The following INPP4B variants were observed in gnomAD, a reference collection of about 807,000 sequenced individuals.
The protein encoded by INPP4B is inositol polyphosphate-4-phosphatase type II B, also known as inositol polyphosphate 4-phosphatase type II.
Under a neutral mutation model 122.5 loss-of-function variants are expected in INPP4B, and 55 were observed. The observed-to-expected ratio is 0.45, with a 90% CI of 0.36 to 0.56. The LOEUF (loss-of-function observed/expected upper bound fraction) is 0.56, where lower values mean the gene tolerates loss of function less well. Among genes scored for constraint, INPP4B ranks in the 20% least tolerant of loss-of-function variants. The pLI, the probability that INPP4B is intolerant of heterozygous loss-of-function variation, is 0.00. For missense variants in INPP4B, 1,000 were observed against 1,097.7 expected, an observed-to-expected ratio of 0.91 and a Z score of 1.26; for synonymous variants, 403 against 388.7, an observed-to-expected ratio of 1.04 and a Z score of -0.43.
At chr4:142,302,425 C>T (rs777570989) in intron 9 of INPP4B, among the ~76,000 whole-genome samples, 2 of 152,104 alleles carry the variant, frequency 1.3e-5, no homozygotes, top group Non-Finnish European at 2.9e-5. Context: ...GACAAAATGT[C>T]GGTCATTAAA....
chr4:142,383,085 T>A (rs1434790173), intron 7 of INPP4B, among the ~76,000 whole-genome samples: 1 of 152,128 alleles, frequency 6.6e-6, no homozygotes, highest in Non-Finnish European at 1.5e-5. Flanking sequence ...CAAAATGGAT[T>A]GTGTTGATAG....
chr4:142,699,536 C>T (rs1195875563), intron 2 of INPP4B, among the ~76,000 whole-genome samples: 1 of 152,168 alleles, frequency 6.6e-6, no homozygotes, highest in Non-Finnish European at 1.5e-5. Flanking sequence ...AATCCCATAA[C>T]CATACTGGCC....
At chr4:142,628,488 A>C (rs551456188) in intron 2 of INPP4B, among the ~76,000 whole-genome samples, 44 of 136,078 alleles carry the variant, frequency 3.2e-4, no homozygotes, top group Non-Finnish European at 6.4e-4. Context: ...GGTGCAGCGC[A>C]CCAGCATGGC....
At chr4:142,800,615 G>A (rs1011294039) in intron 1 of INPP4B, among the ~76,000 whole-genome samples, 1 of 152,116 alleles carries the variant, frequency 6.6e-6, no homozygotes, top group African/African-American at 2.4e-5. Flanking sequence ...GGATCTCTTA[G>A]TATTTTAAGT....
At chr4:142,593,396 T>G (rs28481559) in intron 2 of INPP4B, among the ~76,000 whole-genome samples, 1 of 152,134 alleles carries the variant, frequency 6.6e-6, no homozygotes, top group Admixed American at 6.5e-5. Context: ...TATCACCACT[T>G]GACCTTTTTC....
chr4:142,475,334 AC>A (rs1281737844), intron 2 of INPP4B, among the ~76,000 whole-genome samples: 3 of 152,094 alleles, frequency 2.0e-5, no homozygotes, highest in African/African-American at 4.8e-5. Flanking sequence ...AAACAAAAAA[AC>A]ATCTAAAGGA....
chr4:142,394,384 A>T (rs1798686962), intron 7 of INPP4B, among the ~76,000 whole-genome samples: 2 of 152,140 alleles, frequency 1.3e-5, no homozygotes, highest in East Asian at 3.9e-4. Flanking sequence ...TGACCTCGTG[A>T]TCTGCCCGCC....
intron 2 of INPP4B, among the ~76,000 whole-genome samples, chr4:142,484,213 A>G (rs1820930245): frequency 6.6e-6 from 1 of 152,048 alleles, no homozygotes; most frequent in South Asian, 2.1e-4. Flanking sequence ...AAATTAAGAT[A>G]ACTTACCAAT....
chr4:142,557,873 T>G (rs1729562895), intron 2 of INPP4B, among the ~76,000 whole-genome samples: 1 of 152,180 alleles, frequency 6.6e-6, no homozygotes, highest in African/African-American at 2.4e-5. Flanking sequence ...ATGGGCTCAT[T>G]CACCTATTAC....
At chr4:142,485,000 A>C (rs1289859157) in intron 2 of INPP4B, among the ~76,000 whole-genome samples, 4 of 152,116 alleles carry the variant, frequency 2.6e-5, no homozygotes. Context: ...CCTTGGGTGC[A>C]CAAAAGCAGA....
chr4:142,593,149 G>A (rs1737903538), intron 2 of INPP4B, among the ~76,000 whole-genome samples: 1 of 151,354 alleles, frequency 6.6e-6, no homozygotes, highest in Non-Finnish European at 1.5e-5. Context: ...ATGAAAGGGA[G>A]GATTTTAGGG....
intron 7 of INPP4B, among the ~76,000 whole-genome samples, chr4:142,378,977 G>A (rs552824722): frequency 6.6e-6 from 1 of 152,184 alleles, no homozygotes; most frequent in Non-Finnish European, 1.5e-5. Context: ...AGTGGGGTAG[G>A]GGGTGCGGGT....
At chr4:142,529,231 A>G (rs1049794932) in intron 2 of INPP4B, among the ~76,000 whole-genome samples, 1 of 152,132 alleles carries the variant, frequency 6.6e-6, no homozygotes, top group Non-Finnish European at 1.5e-5. Context: ...ATGGTTTCAG[A>G]TTCTACATTG....
rs759047550 is a variant in INPP4B, at chr4:142,085,538, C to CT, written c.2487+605dup. ...CAGATAAGAGCCTTAAAAATACAGG[C>CT]TTTTTTTTTGTTATCTCTAATTCTT... On this transcript the variant is annotated intron_variant, in intron 24 of 25. Coordinates refer to ENST00000262992, the MANE Select transcript of INPP4B (RefSeq NM_001101669.3). Among the ~76,000 whole-genome samples, 147 of 151,450 alleles carry CT rather than the reference C, an allele frequency of 9.7e-4. 1 individual carries two copies. The highest frequency in any genetic ancestry group is 1.6e-3 in the Non-Finnish European group (107 of 67,806).
intron 2 of INPP4B, among the ~76,000 whole-genome samples, chr4:142,714,453 G>T (rs1763513723): frequency 6.6e-6 from 1 of 152,122 alleles, no homozygotes; most frequent in Non-Finnish European, 1.5e-5. Flanking sequence ...CTTTTGACCA[G>T]CTAAAGTCTA....
intron 2 of INPP4B, among the ~76,000 whole-genome samples, chr4:142,506,786 A>G (rs543294143): frequency 2.6e-5 from 4 of 152,304 alleles, no homozygotes; most frequent in Admixed American, 2.0e-4. Flanking sequence ...CTATACTTTT[A>G]ATATTTGAAA....
intron 2 of INPP4B, among the ~76,000 whole-genome samples, chr4:142,643,369 G>C (rs1328302696): frequency 6.6e-6 from 1 of 151,984 alleles, no homozygotes; most frequent in Non-Finnish European, 1.5e-5. Flanking sequence ...AGTGATTTAG[G>C]GATACATACT....
intron 7 of INPP4B, among the ~76,000 whole-genome samples, chr4:142,375,077 T>A (rs1362962774): frequency 1.3e-5 from 2 of 151,824 alleles, no homozygotes; most frequent in Non-Finnish European, 2.9e-5. Context: ...GTCTAATCAC[T>A]CACTCCTTAA....
rs568087515 is a variant in INPP4B, at chr4:142,600,498, A to G, written c.-191+125341T>C. 1.4e-4 allele frequency among the ~76,000 whole-genome samples: 21 copies of G among 152,336 alleles called. No homozygotes were observed. The South Asian group carries it at 1.7e-3, about 12-fold the overall frequency. ...ATCCTAAACTTGGAAGTTAAAGGAT[A>G]ATAGTCATCATCATGAAAACACATG... On this transcript the variant is annotated intron_variant, in intron 2 of 25. Coordinates refer to ENST00000262992, the MANE Select transcript of INPP4B (RefSeq NM_001101669.3).
Sources: gnomAD v4.1 joint callset for allele counts (sites outside exome capture counted in the v4.1 genomes callset) on GRCh38, gnomAD v4.1.1 for gene constraint, MANE v1.5 for transcripts, NCBI Gene and HGNC (gene_info 2026-07-23, HGNC 2026-07-21) for gene names.